The following VPS13B variants were observed in gnomAD, a reference collection of about 807,000 sequenced individuals.
VPS13B encodes vacuolar protein sorting 13 homolog B.
Under a neutral mutation model 426.4 loss-of-function variants are expected in VPS13B, and 285 were observed. That is an observed-to-expected ratio of 0.67 (90% CI 0.61 to 0.74). VPS13B has a LOEUF of 0.74. Among genes scored for constraint, VPS13B ranks in the 30% least tolerant of loss-of-function variants. The pLI, the probability that VPS13B is intolerant of heterozygous loss-of-function variation, is 0.00. For synonymous variants in VPS13B, 1,676 were observed against 1,676.4 expected (o/e 1.00, Z 0.01); for missense variants, 4,537 against 4,782.6 (o/e 0.95, Z 1.51).
chr8:99,686,087 G>A (rs1353735951), intron 35 of VPS13B, among the ~76,000 whole-genome samples: 1 of 152,238 alleles, frequency 6.6e-6, no homozygotes, highest in Non-Finnish European at 1.5e-5. Context: ...CCAAAGCCCA[G>A]TAACTGTGTG....
chr8:99,127,165 G>A (rs764474646), intron 8 of VPS13B, among the ~76,000 whole-genome samples: 2 of 151,582 alleles, frequency 1.3e-5, no homozygotes, highest in Non-Finnish European at 2.9e-5. Flanking sequence ...TTTTGTAGTC[G>A]TTTTTGGTGC....
At chr8:99,387,526 T>G (rs1024465557) in intron 20 of VPS13B, among the ~76,000 whole-genome samples, 3 of 152,132 alleles carry the variant, frequency 2.0e-5, no homozygotes, top group African/African-American at 7.2e-5. Flanking sequence ...CCAGCCCAGT[T>G]TACATTTTGA....
chr8:99,533,167 G>A (rs559841808), intron 30 of VPS13B, among the ~76,000 whole-genome samples: 4 of 152,202 alleles, frequency 2.6e-5, no homozygotes, highest in Admixed American at 1.3e-4. Flanking sequence ...TCAAACTCCT[G>A]ACTTCAGGTG....
chr8:99,210,025 A>C (rs1814986454), intron 17 of VPS13B, among the ~76,000 whole-genome samples: 2 of 152,154 alleles, frequency 1.3e-5, no homozygotes, highest in Admixed American at 1.3e-4. Flanking sequence ...CATATACATA[A>C]TTACTCATTT....
At position 99,642,118 on chromosome 8, in the gene VPS13B, A is replaced by C. The variant is rs141211386; in HGVS notation, c.5528A>C (p.Glu1843Ala). The change falls in exon 34 of 62, where the codon GAA (glutamate) becomes GCA (alanine). Residue 1843 changes from glutamate (E) to alanine (A), a missense_variant. This residue lies in a region of VPS13B where 4,311 missense variants were observed against 4,474.3 expected (regional missense o/e 0.96). Transcript: ENST00000357162. ...KSKSQEQKNNEKTDKSSLNLP... is the reference protein window; with the variant it reads ...KSKSQEQKNNAKTDKSSLNLP... ...AAATCACAAGAACAGAAGAATAATG[A>C]AAAAACAGACAAGAGTTCATTAAAT... 1 of 1,614,052 alleles carries C rather than the reference A, an allele frequency of 6.2e-7. No individual in the cohort carries two copies. The highest frequency in any genetic ancestry group is 8.5e-7 in the Non-Finnish European group (1 of 1,180,016).
At chr8:99,357,554 C>G (rs1445452927) in intron 19 of VPS13B, among the ~76,000 whole-genome samples, 3 of 152,154 alleles carry the variant, frequency 2.0e-5, no homozygotes, top group Admixed American at 1.3e-4. Flanking sequence ...TGTTTTTACT[C>G]CCCATTAAAC....
Position 99,853,790 on chromosome 8 carries a change from A to G in VPS13B, c.10401A>G (p.Lys3467=), listed in dbSNP as rs564377243. Residue 3467 remains lysine, a synonymous_variant, in exon 56 of 62, where the codon AAA becomes AAG. Transcript: ENST00000357162. ...SKMQSLLISN[K]ELEEYKEKCF... ...TGCAGAGTCTCCTCATATCCAACAA[A>G]GAGTTGGAAGAATACAAGGAAAAAT... 5 of 1,614,228 alleles carry G rather than the reference A, an allele frequency of 3.1e-6. No individual in the cohort carries two copies. The African/African-American group carries it at 5.3e-5, about 17-fold the overall frequency.
At chr8:99,037,671 G>A (rs1168057024) in intron 2 of VPS13B, among the ~76,000 whole-genome samples, 1 of 151,920 alleles carries the variant, frequency 6.6e-6, no homozygotes, top group Non-Finnish European at 1.5e-5. Context: ...TTGTTGATTT[G>A]TAAACAAATT....
chr8:99,679,487 A>G (rs988306096), intron 35 of VPS13B, among the ~76,000 whole-genome samples: 4 of 152,174 alleles, frequency 2.6e-5, no homozygotes, highest in Non-Finnish European at 2.9e-5. Flanking sequence ...TAGAAAGTCA[A>G]TGTTTGATCA....
At chr8:99,860,050 G>A (rs1816758474) in intron 57 of VPS13B, among the ~76,000 whole-genome samples, 1 of 152,180 alleles carries the variant, frequency 6.6e-6, no homozygotes, top group South Asian at 2.1e-4. Context: ...TGTGCTTGAT[G>A]TTATTTTGGT....
intron 17 of VPS13B, among the ~76,000 whole-genome samples, chr8:99,239,396 C>A (rs563061418): frequency 6.6e-6 from 1 of 151,994 alleles, no homozygotes; most frequent in Non-Finnish European, 1.5e-5. Context: ...CCTATTTTGC[C>A]GAGTAAACTG....
intron 17 of VPS13B, among the ~76,000 whole-genome samples, chr8:99,259,471 G>C (rs1332897294): frequency 6.6e-6 from 1 of 151,976 alleles, no homozygotes; most frequent in African/African-American, 2.4e-5. Context: ...AAGGGAGTGT[G>C]GGCAAGTAGG....
intron 15 of VPS13B, among the ~76,000 whole-genome samples, chr8:99,163,793 C>G (rs983283723): frequency 6.6e-6 from 1 of 152,210 alleles, no homozygotes; most frequent in Non-Finnish European, 1.5e-5. Flanking sequence ...TCCACACCTC[C>G]CTGCAAGCTG....
chr8:99,154,404 T>G (rs1811243754), intron 14 of VPS13B, among the ~76,000 whole-genome samples: 1 of 152,178 alleles, frequency 6.6e-6, no homozygotes, highest in Non-Finnish European at 1.5e-5. Flanking sequence ...TGGCAGTTTC[T>G]ACTGAGATAA....
chr8:99,718,119 A>AC (rs1157050753), intron 37 of VPS13B, among the ~76,000 whole-genome samples: 1 of 151,676 alleles, frequency 6.6e-6, no homozygotes, highest in Non-Finnish European at 1.5e-5. Context: ...TTCCTCTGTC[A>AC]CCCAGGCTGG....
intron 19 of VPS13B, among the ~76,000 whole-genome samples, chr8:99,287,347 T>C (rs572322994): frequency 4.1e-4 from 62 of 152,016 alleles, no homozygotes; most frequent in Non-Finnish European, 8.1e-4. Flanking sequence ...AGTTATGATA[T>C]GATCTATGAT....
intron 21 of VPS13B, among the ~76,000 whole-genome samples, chr8:99,425,138 A>G (rs561440085): frequency 1.3e-5 from 2 of 152,316 alleles, no homozygotes; most frequent in South Asian, 2.1e-4. Context: ...CGAGAGGTAC[A>G]AGGATGAGCT....
chr8:99,658,492 ATCT>A (rs1204911769), intron 34 of VPS13B, among the ~76,000 whole-genome samples: 8 of 152,234 alleles, frequency 5.3e-5, no homozygotes, highest in Admixed American at 5.2e-4. Flanking sequence ...AACCATATAG[ATCT>A]TCTTGATTCT....
intron 30 of VPS13B, among the ~76,000 whole-genome samples, chr8:99,543,448 C>T (rs1435048578): frequency 6.6e-6 from 1 of 151,364 alleles, no homozygotes; most frequent in Non-Finnish European, 1.5e-5. Flanking sequence ...CAACAAAAGC[C>T]AAAATTGACA....
Sources: allele counts gnomAD v4.1 joint callset (sites outside exome capture counted in the v4.1 genomes callset), GRCh38; gene constraint gnomAD v4.1.1; regional missense constraint gnomAD v4.1.1; transcripts MANE v1.5; gene names NCBI Gene and HGNC (gene_info 2026-07-23, HGNC 2026-07-21).